Variants in WWOX observed in about 807,000 individuals in gnomAD.
The protein encoded by WWOX is WW domain containing oxidoreductase.
A neutral mutation model predicts 46.2 loss-of-function variants in WWOX; 69 were observed. That is an observed-to-expected ratio of 1.49 (90% confidence interval 1.23 to 1.82). The LOEUF (loss-of-function observed/expected upper bound fraction) is 1.82, where lower values mean the gene tolerates loss of function less well. Ranked by LOEUF, WWOX falls within the 40% of genes most tolerant of loss-of-function variation. WWOX has a pLI of 0.00. For synonymous variants in WWOX, 359 were observed against 202.6 expected (o/e 1.77, Z -6.56); for missense variants, 919 against 542.6 (o/e 1.69, Z -6.89).
chr16:78,762,117 G>T (rs1567542833), intron 8 of WWOX, among the ~76,000 whole-genome samples: 1 of 152,140 alleles, frequency 6.6e-6, no homozygotes, highest in Admixed American at 6.5e-5. Flanking sequence ...ATCCTGTAAG[G>T]TATGGCTAAT....
intron 8 of WWOX, among the ~76,000 whole-genome samples, chr16:78,910,939 T>A (rs929583707): frequency 3.3e-5 from 5 of 152,060 alleles, no homozygotes; most frequent in African/African-American, 1.2e-4. Context: ...ATTTAGCCTT[T>A]CCATCATGTT....
chr16:78,239,250 A>C (rs1377767519), intron 5 of WWOX, among the ~76,000 whole-genome samples: 1 of 152,112 alleles, frequency 6.6e-6, no homozygotes, highest in Non-Finnish European at 1.5e-5. Context: ...CCTGAGTCTA[A>C]GCTGTTGACC....
At chr16:79,149,769 C>T (rs2050243075) in intron 8 of WWOX, among the ~76,000 whole-genome samples, 1 of 152,248 alleles carries the variant, frequency 6.6e-6, no homozygotes, top group African/African-American at 2.4e-5. Context: ...ACTCCAAGTT[C>T]TGGCCTCACG....
At chr16:78,434,672 T>A (rs527450403) in intron 8 of WWOX, among the ~76,000 whole-genome samples, 34 of 152,304 alleles carry the variant, frequency 2.2e-4, no homozygotes, top group African/African-American at 7.5e-4. Context: ...TTCAGTGGCA[T>A]CAGAGAGTTC....
chr16:78,164,953 T>G (rs1016052814), intron 5 of WWOX, among the ~76,000 whole-genome samples: 2 of 152,180 alleles, frequency 1.3e-5, no homozygotes, highest in African/African-American at 4.8e-5. Context: ...ATCTGAGACC[T>G]GAATGAAGTA....
chr16:78,882,895 A>C (rs1277053826), intron 8 of WWOX, among the ~76,000 whole-genome samples: 1 of 151,974 alleles, frequency 6.6e-6, no homozygotes, highest in Non-Finnish European at 1.5e-5. Context: ...GTCGAGTGAC[A>C]CAAACTGGAA....
chr16:79,085,106 CAT>C (rs754416280), intron 8 of WWOX, among the ~76,000 whole-genome samples: 4 of 151,946 alleles, frequency 2.6e-5, no homozygotes, highest in Non-Finnish European at 2.9e-5. Flanking sequence ...CTTAAATATA[CAT>C]ATATATATAC....
At chr16:78,334,178 A>G (rs568447364) in intron 5 of WWOX, among the ~76,000 whole-genome samples, 6 of 152,356 alleles carry the variant, frequency 3.9e-5, no homozygotes, top group African/African-American at 1.2e-4. Context: ...CGCCTAATGT[A>G]ATGCCAAAGA....
intron 8 of WWOX, among the ~76,000 whole-genome samples, chr16:79,118,772 C>T (rs1399448668): frequency 6.6e-6 from 1 of 152,200 alleles, no homozygotes; most frequent in Non-Finnish European, 1.5e-5. Context: ...ACATAGAGAT[C>T]ATTGCCATAC....
intron 8 of WWOX, among the ~76,000 whole-genome samples, chr16:78,793,813 C>T (rs1032758743): frequency 2.0e-5 from 3 of 151,768 alleles, no homozygotes; most frequent in South Asian, 4.2e-4. Context: ...AGGTGGCTCA[C>T]GTCTGTAATC....
intron 8 of WWOX, among the ~76,000 whole-genome samples, chr16:78,549,796 G>T (rs557730751): frequency 6.6e-6 from 1 of 152,270 alleles, no homozygotes; most frequent in African/African-American, 2.4e-5. Flanking sequence ...GATGATCTGA[G>T]ATATCCAAAT....
intron 8 of WWOX, among the ~76,000 whole-genome samples, chr16:78,747,963 C>T (rs2049387356): frequency 6.6e-6 from 1 of 152,192 alleles, no homozygotes; most frequent in South Asian, 2.1e-4. Flanking sequence ...AACCATGCTT[C>T]TTAGTGGTCC....
chr16:78,826,472 G>A (rs116504109), intron 8 of WWOX, among the ~76,000 whole-genome samples: 1 of 152,144 alleles, frequency 6.6e-6, no homozygotes, highest in Non-Finnish European at 1.5e-5. Flanking sequence ...TTCGTTTCTG[G>A]TGGCTGCTCG....
intron 8 of WWOX, among the ~76,000 whole-genome samples, chr16:78,953,740 C>T (rs2046109644): frequency 6.6e-6 from 1 of 152,178 alleles, no homozygotes; most frequent in Non-Finnish European, 1.5e-5. Context: ...GGAATGCCTG[C>T]TCTCATCACC....
chr16:78,921,009 T>A (rs2045365753), intron 8 of WWOX, among the ~76,000 whole-genome samples: 1 of 152,210 alleles, frequency 6.6e-6, no homozygotes, highest in Admixed American at 6.5e-5. Flanking sequence ...ACTGGCTGTT[T>A]GCTTGATATT....
chr16:79,155,115 C>T (rs954479975), intron 8 of WWOX, among the ~76,000 whole-genome samples: 12 of 152,206 alleles, frequency 7.9e-5, no homozygotes, highest in East Asian at 5.8e-4. Flanking sequence ...TGGTGGCTCA[C>T]GCCTGTAATC....
intron 8 of WWOX, among the ~76,000 whole-genome samples, chr16:78,800,372 G>A (rs2142649512): frequency 6.6e-6 from 1 of 152,260 alleles, no homozygotes; most frequent in South Asian, 2.1e-4. Context: ...ATTCCGCTTG[G>A]AATAGAGTGA....
At chr16:79,133,968 T>A (rs1383821025) in intron 8 of WWOX, among the ~76,000 whole-genome samples, 3 of 152,076 alleles carry the variant, frequency 2.0e-5, no homozygotes, top group Non-Finnish European at 4.4e-5. Flanking sequence ...GAAGAAAAAT[T>A]TAAGGAGCAA....
At chr16:78,826,978 A>G (rs1239198363) in intron 8 of WWOX, among the ~76,000 whole-genome samples, 4 of 152,156 alleles carry the variant, frequency 2.6e-5, no homozygotes, top group Admixed American at 6.5e-5. Flanking sequence ...CCTCTTGAGG[A>G]CTAACCAGCC....
Sources: gnomAD v4.1 joint callset for allele counts (sites outside exome capture counted in the v4.1 genomes callset) on GRCh38, gnomAD v4.1.1 for gene constraint, MANE v1.5 for transcripts, NCBI Gene and HGNC (gene_info 2026-07-23, HGNC 2026-07-21) for gene names.